The following HMGCLL1 variants were observed in gnomAD, a reference collection of about 807,000 sequenced individuals.
The protein encoded by HMGCLL1 is 3-hydroxymethyl-3-methylglutaryl-CoA lyase, cytoplasmic.
In HMGCLL1, 36 loss-of-function variants were observed where a neutral mutation model predicts 39.1. The ratio of observed to expected loss-of-function variants is 0.92; its 90% CI spans 0.71 to 1.22. The LOEUF (loss-of-function observed/expected upper bound fraction) is 1.22, where lower values mean the gene tolerates loss of function less well. HMGCLL1 is among the 50% of genes most tolerant of loss of function. HMGCLL1 has a pLI of 0.00. For synonymous variants in HMGCLL1, 149 were observed against 144.0 expected, an observed-to-expected ratio of 1.03 and a Z score of -0.25; for missense variants, 451 against 416.5, an observed-to-expected ratio of 1.08 and a Z score of -0.72.
At chr6:55,543,870 CTAAA>C (rs892944225) in intron 1 of HMGCLL1, among the ~76,000 whole-genome samples, 3 of 151,630 alleles carry the variant, frequency 2.0e-5, no homozygotes, top group African/African-American at 7.3e-5. Flanking sequence ...TAGACCCTGT[CTAAA>C]TAAATAAATA....
At chr6:55,551,429 T>C (rs998050142) in intron 1 of HMGCLL1, among the ~76,000 whole-genome samples, 9 of 151,886 alleles carry the variant, frequency 5.9e-5, no homozygotes, top group African/African-American at 2.2e-4. Context: ...CTTAGTTCCT[T>C]GACTTGTAAT....
upstream of HMGCLL1, among the ~76,000 whole-genome samples, chr6:55,580,846 A>C (rs1019217847): frequency 6.6e-6 from 1 of 152,228 alleles, no homozygotes; most frequent in Non-Finnish European, 1.5e-5. Context: ...ATATAGGTGT[A>C]CATTCATAGA....
intron 7 of HMGCLL1, among the ~76,000 whole-genome samples, chr6:55,457,433 C>T (rs1349654266): frequency 6.6e-6 from 1 of 152,104 alleles, no homozygotes; most frequent in African/African-American, 2.4e-5. Flanking sequence ...TTCCCTCCCC[C>T]CACATTTATT....
intron 7 of HMGCLL1, among the ~76,000 whole-genome samples, chr6:55,471,145 T>G (rs1248647758): frequency 6.6e-6 from 1 of 151,830 alleles, no homozygotes. Context: ...TTGGTAAATT[T>G]GTCTTTTTTT....
the HMGCLL1 span, among the ~76,000 whole-genome samples, chr6:55,600,536 A>T: frequency 4.6e-5 from 7 of 152,142 alleles, no homozygotes; most frequent in African/African-American, 1.7e-4. Context: ...GGATGCTAGT[A>T]AATACTATTA....
chr6:55,469,148 GAAA>G (rs58387084), intron 7 of HMGCLL1, among the ~76,000 whole-genome samples: 27 of 146,398 alleles, frequency 1.8e-4, no homozygotes, highest in East Asian at 4.0e-4. Flanking sequence ...ATAAGAACTG[GAAA>G]AAAAAAAAAG....
rs1771922097 is a variant in HMGCLL1 at position 55,579,166 on chromosome 6, T to C, written c.-111A>G. 8 of 787,566 alleles carry C rather than the reference T, an allele frequency of 1.0e-5. No individual in the cohort carries two copies. Among genetic ancestry groups the C allele is most frequent in the Non-Finnish European group, 1.7e-5 (8 of 470,088 alleles). The allele number at this position is 787,566 out of a possible 1,614,324, so 48.8% of individuals were successfully genotyped here. The stretch of plus-strand genomic sequence containing the variant: ...TCGGGAGCGCGCCCCTCCGGTGCAC[T>C]GGCTGTGAGGACCAGAGCTGTTCTG... On this transcript the variant is annotated 5_prime_UTR_variant, in exon 1 of 9. Transcript: ENST00000274901.
At chr6:55,622,091 A>C in the HMGCLL1 span, among the ~76,000 whole-genome samples, 2 of 152,212 alleles carry the variant, frequency 1.3e-5, no homozygotes, top group East Asian at 3.9e-4. Flanking sequence ...TTGTTAGCAT[A>C]TAGAAATGCT....
the HMGCLL1 span, among the ~76,000 whole-genome samples, chr6:55,650,110 T>TATATATAC: frequency 1.3e-5 from 1 of 74,526 alleles, no homozygotes; most frequent in Non-Finnish European, 2.4e-5. Flanking sequence ...TATATATATA[T>TATATATAC]ATATATATAT....
chr6:55,635,076 T>C, the HMGCLL1 span, among the ~76,000 whole-genome samples: 9 of 152,074 alleles, frequency 5.9e-5, no homozygotes, highest in African/African-American at 2.2e-4. Context: ...CTTAGAACTA[T>C]ATTGTCTGGA....
At chr6:55,511,307 C>T (rs1767444301) in intron 5 of HMGCLL1, among the ~76,000 whole-genome samples, 1 of 152,004 alleles carries the variant, frequency 6.6e-6, no homozygotes, top group Admixed American at 6.6e-5. Context: ...CATTTTGTCA[C>T]TGATTTGGCA....
the HMGCLL1 span, among the ~76,000 whole-genome samples, chr6:55,606,382 CT>C: frequency 6.6e-6 from 1 of 152,020 alleles, no homozygotes; most frequent in African/African-American, 2.4e-5. Context: ...GACAACCAGA[CT>C]TTTAGAAAAA....
At position 55,434,594 on chromosome 6, in the gene HMGCLL1, T is replaced by G. The variant is rs1356848156; in HGVS notation, c.*1068A>C. On this transcript the variant is annotated 3_prime_UTR_variant, in exon 9 of 9. Transcript: ENST00000274901. Reference sequence around the variant, plus strand: ...ATGCATAGGTTACAGAAGTTTATCTTGAATAGTCCTCCTGCTCCTCATCCC... The same window carrying G: ...ATGCATAGGTTACAGAAGTTTATCTGGAATAGTCCTCCTGCTCCTCATCCC... 1 of 152,066 alleles carries G rather than the reference T, an allele frequency of 6.6e-6. No individual in the cohort carries two copies. Among genetic ancestry groups the G allele is most frequent in the African/African-American group, 2.4e-5 (1 of 41,434 alleles). The allele number at this position is 152,066 out of a possible 1,614,324, so 9.4% of individuals were successfully genotyped here.
intron 7 of HMGCLL1, among the ~76,000 whole-genome samples, chr6:55,441,401 G>A (rs1763591907): frequency 6.6e-6 from 1 of 152,136 alleles, no homozygotes; most frequent in African/African-American, 2.4e-5. Context: ...GGGCTTAGGA[G>A]AAGTTTTAGA....
chr6:55,623,191 C>T, the HMGCLL1 span, among the ~76,000 whole-genome samples: 1 of 151,714 alleles, frequency 6.6e-6, no homozygotes, highest in Admixed American at 6.6e-5. Context: ...TATCTTTTCC[C>T]AAAAAAACTT....
chr6:55,485,179 T>G (rs1232234677), intron 7 of HMGCLL1, among the ~76,000 whole-genome samples: 1 of 152,180 alleles, frequency 6.6e-6, no homozygotes, highest in Non-Finnish European at 1.5e-5. Context: ...TAGTAAATAC[T>G]GCAACCTGCC....
intron 7 of HMGCLL1, among the ~76,000 whole-genome samples, chr6:55,483,983 A>G (rs1222172974): frequency 6.6e-6 from 1 of 152,170 alleles, no homozygotes; most frequent in East Asian, 1.9e-4. Context: ...TGGGTTAGGT[A>G]ATAAATGGAT....
At chr6:55,491,393 A>G (rs1196884809) in intron 7 of HMGCLL1, among the ~76,000 whole-genome samples, 4 of 152,194 alleles carry the variant, frequency 2.6e-5, no homozygotes, top group Admixed American at 6.6e-5. Context: ...TGATGTAAAA[A>G]TTAGGTAAAT....
the HMGCLL1 span, among the ~76,000 whole-genome samples, chr6:55,628,847 A>G: frequency 6.6e-6 from 1 of 152,150 alleles, no homozygotes; most frequent in South Asian, 2.1e-4. Context: ...GCTGCCATCC[A>G]AGTAAGACTT....
Sources: allele counts gnomAD v4.1 joint callset (sites outside exome capture counted in the v4.1 genomes callset), GRCh38; gene constraint gnomAD v4.1.1; transcripts MANE v1.5; gene names NCBI Gene and HGNC (gene_info 2026-07-23, HGNC 2026-07-21).